The following FAM131B variants were observed in gnomAD, a reference collection of about 807,000 sequenced individuals.
The protein encoded by FAM131B is family with sequence similarity 131 member B, also known as protein FAM131B.
Under a neutral mutation model 42.0 loss-of-function variants are expected in FAM131B, and 19 were observed. The observed-to-expected ratio is 0.45, with a 90% CI of 0.32 to 0.66. FAM131B has a LOEUF of 0.66. FAM131B is among the 30% of genes least tolerant of loss of function. FAM131B has a pLI of 0.05. For missense variants in FAM131B, 370 were observed against 468.4 expected, an observed-to-expected ratio of 0.79 and a Z score of 1.94; for synonymous variants, 183 against 177.6, an observed-to-expected ratio of 1.03 and a Z score of -0.24.
At position 143,359,856 on chromosome 7, in the gene FAM131B, C is replaced by T. The variant is rs188003538; in HGVS notation, c.139-89G>A. On this transcript the variant is annotated intron_variant, in intron 2 of 6. Coordinates refer to ENST00000443739, the MANE Select transcript of FAM131B (RefSeq NM_001031690.3). This position sits in a 1 kb window ranked among gnomAD's most constrained non-coding sequence, Gnocchi z 5.4. The stretch of plus-strand genomic sequence containing the variant: ...TTCCTCAGAGGGCCTTCCAGGAGTG[C>T]GGGATGTGGGGAGGGCTTTCCTGAG... 175 of 1,313,108 alleles carry T rather than the reference C, an allele frequency of 1.3e-4. 1 individual carries two copies. The Middle Eastern group carries it at 2.5e-3, about 19-fold the overall frequency. 81.3% of individuals were successfully genotyped at this position (1,313,108 alleles called of 1,614,324 possible). A position where few individuals can be genotyped will look rare whatever the true frequency, so the allele number is the denominator to read the frequency against.
chr7:143,356,515 G>C lies in FAM131B; in HGVS notation c.*35C>G, dbSNP rs1803659689. The C allele has an allele frequency of 6.6e-7, 1 of 1,508,324 alleles. No homozygotes were observed. The highest frequency in any genetic ancestry group is 1.4e-5 in the African/African-American group (1 of 72,848). The allele number at this position is 1,508,324 out of a possible 1,614,324, so 93.4% of individuals were successfully genotyped here. On this transcript the variant is annotated 3_prime_UTR_variant, in exon 7 of 7. Transcript: ENST00000443739. The surrounding 1 kb of genome is among the most constrained non-coding windows in gnomAD (Gnocchi z 4.4). ...GTATGGGTCACAGCCATGGCCCTCA[G>C]GTGGGAGTGGAAGGCAGGGCATTGG...
At position 143,356,790 on chromosome 7, in the gene FAM131B, C is replaced by G. The variant is rs372597823; in HGVS notation, c.843G>C (p.Leu281=). The G allele has an allele frequency of 3.1e-6, 5 of 1,614,136 alleles. No individual in the cohort carries two copies. The highest frequency in any genetic ancestry group is 4.2e-6 in the Non-Finnish European group (5 of 1,180,028). The change falls in exon 7 of 7, where the codon CTG becomes CTC. Residue 281 remains leucine, a synonymous_variant. Transcript: ENST00000443739. The surrounding 1 kb of genome is among the most constrained non-coding windows in gnomAD (Gnocchi z 4.4). ...GYSALEPPPL[L]GGDTDWAPGV... is the part of the protein sequence containing the mutation. ...CCGGAGCCCAGTCAGTGTCTCCCCC[C>G]AGCAAAGGTGGAGGCTCCAGAGCAG...
At chr7:143,361,893 C>T (rs1462997726) in intron 1 of FAM131B, 2 of 242,170 alleles carry the variant, frequency 8.3e-6, no homozygotes, top group African/African-American at 2.3e-5. Context: ...CCCCTCCCAG[C>T]GCCTCGAAGC....
At position 143,359,665 on chromosome 7, in the gene FAM131B, G is replaced by T. The variant is rs534565853; in HGVS notation, c.174+67C>A. 4.9e-6 allele frequency: 7 copies of T among 1,428,152 alleles called. No individual in the cohort carries two copies. In the African/African-American group the frequency reaches 7.1e-5, roughly 14 times the overall value. The allele number at this position is 1,428,152 out of a possible 1,614,324, so 88.5% of individuals were successfully genotyped here. Reference sequence around the variant, plus strand: ...CAGGGAATACCGTGCTGGTTGGAAGGTGCAAGGGAGAAGATGAGGAGGAGG... The same window carrying T: ...CAGGGAATACCGTGCTGGTTGGAAGTTGCAAGGGAGAAGATGAGGAGGAGG... On this transcript the variant is annotated intron_variant, in intron 3 of 6. Transcript: ENST00000443739. The surrounding 1 kb of genome is among the most constrained non-coding windows in gnomAD (Gnocchi z 5.4).
At chr7:143,381,886 C>A in the FAM131B span, 1 of 1,115,166 alleles carries the variant, frequency 9.0e-7, no homozygotes. Context: ...GGGGGCTGGG[C>A]GCAGCCACCC....
rs2116487446 is a variant in FAM131B at position 143,362,516 on chromosome 7, A to AG, written c.28+59dup. 1.6e-6 allele frequency: 1 copy of AG among 630,206 alleles called. No homozygotes were observed. Among genetic ancestry groups the AG allele is most frequent in the East Asian group, 4.9e-5 (1 of 20,578 alleles). 39.0% of individuals were successfully genotyped at this position (630,206 alleles called of 1,614,324 possible). A position where few individuals can be genotyped will look rare whatever the true frequency, so the allele number is the denominator to read the frequency against. ...GGAGGCGCGAGGAGAGGGATGGGGG[A>AG]GGGGGTCGGAGGGCGGCCCGGGGGG... On this transcript the variant is annotated intron_variant, in intron 1 of 6. Transcript: ENST00000443739. This position sits in a 1 kb window ranked among gnomAD's most constrained non-coding sequence, Gnocchi z 7.7.
chr7:143,362,481 C>A lies in FAM131B; in HGVS notation c.28+95G>T, dbSNP rs1321153103. 4.7e-6 allele frequency: 2 copies of A among 428,456 alleles called. No individual in the cohort carries two copies. Among genetic ancestry groups the A allele is most frequent in the African/African-American group, 2.1e-5 (1 of 46,806 alleles). The allele number at this position is 428,456 out of a possible 1,614,324, so 26.5% of individuals were successfully genotyped here. On this transcript the variant is annotated intron_variant, in intron 1 of 6. Coordinates refer to ENST00000443739, the MANE Select transcript of FAM131B (RefSeq NM_001031690.3). The surrounding 1 kb of genome is among the most constrained non-coding windows in gnomAD (Gnocchi z 7.7). ...CTAGCAGGGCAAGGCGGGTGCGGAG[C>A]GGGGCGCCCGGAGGCGCGAGGAGAG...
chr7:143,359,869 G>C lies in FAM131B; in HGVS notation c.139-102C>G. 8.3e-7 allele frequency: 1 copy of C among 1,201,466 alleles called. No homozygotes were observed. Among genetic ancestry groups the C allele is most frequent in the Non-Finnish European group, 1.2e-6 (1 of 831,428 alleles). The allele number at this position is 1,201,466 out of a possible 1,614,324, so 74.4% of individuals were successfully genotyped here. A position where few individuals can be genotyped will look rare whatever the true frequency, so the allele number is the denominator to read the frequency against. On this transcript the variant is annotated intron_variant, in intron 2 of 6. Coordinates refer to ENST00000443739, the MANE Select transcript of FAM131B (RefSeq NM_001031690.3). The surrounding 1 kb of genome is among the most constrained non-coding windows in gnomAD (Gnocchi z 5.4). Reference sequence around the variant, plus strand: ...CTTCCAGGAGTGCGGGATGTGGGGAGGGCTTTCCTGAGGTTGATGCCGCTA... The same window carrying C: ...CTTCCAGGAGTGCGGGATGTGGGGACGGCTTTCCTGAGGTTGATGCCGCTA...
chr7:143,369,440 C>T, the FAM131B span, among the ~76,000 whole-genome samples: 1 of 152,024 alleles, frequency 6.6e-6, no homozygotes, highest in Non-Finnish European at 1.5e-5. Context: ...TTTGGGAGGC[C>T]GAGGAGGGTG....
chr7:143,362,429 C>A lies in FAM131B; in HGVS notation c.28+147G>T, dbSNP rs1037214353. On this transcript the variant is annotated intron_variant, in intron 1 of 6. Coordinates refer to ENST00000443739, the MANE Select transcript of FAM131B (RefSeq NM_001031690.3). The surrounding 1 kb of genome is among the most constrained non-coding windows in gnomAD (Gnocchi z 7.7). Reference sequence around the variant, plus strand: ...GCAGGAAGGAGGGACAGAGGGACCGCGGGCGGACGGAAGGAAAGTGAAGGA... The same window carrying A: ...GCAGGAAGGAGGGACAGAGGGACCGAGGGCGGACGGAAGGAAAGTGAAGGA... 6.3e-5 allele frequency: 22 copies of A among 348,204 alleles called. No individual in the cohort carries two copies. Among genetic ancestry groups the A allele is most frequent in the African/African-American group, 3.0e-4 (14 of 46,326 alleles). The allele number at this position is 348,204 out of a possible 1,614,324, so 21.6% of individuals were successfully genotyped here. A position where few individuals can be genotyped will look rare whatever the true frequency, so the allele number is the denominator to read the frequency against.
chr7:143,363,448 T>A (rs1356548245), upstream of FAM131B, among the ~76,000 whole-genome samples: 1 of 152,120 alleles, frequency 6.6e-6, no homozygotes. Context: ...GACATCGTCT[T>A]GAATCCAGTT....
At chr7:143,380,841 G>T in the FAM131B span, 2 of 944,434 alleles carry the variant, frequency 2.1e-6, no homozygotes, top group Non-Finnish European at 2.5e-6. The surrounding 1 kb of genome is among the most constrained non-coding windows in gnomAD (Gnocchi z 5.0). Context: ...GACTCGGGGT[G>T]GCCGGGTAGC....
rs757750227 is a variant in FAM131B at position 143,359,388 on chromosome 7, G to A, written c.206C>T (p.Pro69Leu). ...GGCGTTAGAGTTTCGCTTAAGCTTC[G>A]GAAGAATGGAAGTGGTGTCCTCCAT... Reference protein sequence around the residue: ...LSMEDTTSILPKLKRNSNAYG... With the variant: ...LSMEDTTSILLKLKRNSNAYG... Residue 69 changes from proline (P) to leucine (L), a missense_variant, in exon 4 of 7, where the codon CCG becomes CTG. Transcript: ENST00000443739. The surrounding 1 kb of genome is among the most constrained non-coding windows in gnomAD (Gnocchi z 5.4). 17 of 1,613,586 alleles carry A rather than the reference G, an allele frequency of 1.1e-5. No homozygotes were observed. Among genetic ancestry groups the A allele is most frequent in the Admixed American group, 1.7e-5 (1 of 59,984 alleles).
At chr7:143,368,804 T>G in the FAM131B span, among the ~76,000 whole-genome samples, 1 of 152,266 alleles carries the variant, frequency 6.6e-6, no homozygotes, top group Admixed American at 6.5e-5. Context: ...AACTTCAGCT[T>G]GGATTCCTCT....
chr7:143,360,486 TTACAAGTC>T, intron 1 of FAM131B: 1 of 994,688 alleles, frequency 1.0e-6, no homozygotes, highest in Non-Finnish European at 1.3e-6. Context: ...TTTTTCTCTA[TTACAAGTC>T]TACAGATAAG....
rs185467143 is a variant in FAM131B, at chr7:143,359,650, C to T, written c.174+82G>A. 8.6e-4 allele frequency: 1,156 copies of T among 1,339,174 alleles called. 2 individuals are homozygous for T. Among genetic ancestry groups the T allele is most frequent in the South Asian group, 2.2e-3 (178 of 79,740 alleles). The allele number at this position is 1,339,174 out of a possible 1,614,324, so 83.0% of individuals were successfully genotyped here. ...AGTGCCTATTGGAGCCAGGGAATACCGTGCTGGTTGGAAGGTGCAAGGGAG... is the reference window on the plus strand; with the variant it reads ...AGTGCCTATTGGAGCCAGGGAATACTGTGCTGGTTGGAAGGTGCAAGGGAG... On this transcript the variant is annotated intron_variant, in intron 3 of 6. Coordinates refer to ENST00000443739, the MANE Select transcript of FAM131B (RefSeq NM_001031690.3). The surrounding 1 kb of genome is among the most constrained non-coding windows in gnomAD (Gnocchi z 5.4).
chr7:143,381,243 G>C, the FAM131B span: 14 of 1,023,394 alleles, frequency 1.4e-5, no homozygotes, highest in South Asian at 6.0e-4. Flanking sequence ...GCCGCTCCTT[G>C]TATGGTCTGG....
the FAM131B span, among the ~76,000 whole-genome samples, chr7:143,371,747 C>A: frequency 6.6e-6 from 1 of 151,878 alleles, no homozygotes; most frequent in Non-Finnish European, 1.5e-5. Context: ...GTGAGGAAGG[C>A]TATGATGGAG....
In FAM131B at chr7:143,355,277, T is replaced by G. The variant is rs1044793716; in HGVS notation, c.*1273A>C. The G allele has an allele frequency of 6.6e-6, 1 of 152,278 alleles. No homozygotes were observed. The highest frequency in any genetic ancestry group is 2.4e-5 in the African/African-American group (1 of 41,442). 9.4% of individuals were successfully genotyped at this position (152,278 alleles called of 1,614,324 possible). ...GCTGCTCAGTCCCCACCAGCATGGA[T>G]GCCAAGTGTGGGAGGGCAAGCTTGT... On this transcript the variant is annotated 3_prime_UTR_variant, in exon 7 of 7. Transcript: ENST00000443739. This position sits in a 1 kb window ranked among gnomAD's most constrained non-coding sequence, Gnocchi z 4.1.
Sources: gnomAD v4.1 joint callset for allele counts (sites outside exome capture counted in the v4.1 genomes callset) on GRCh38, gnomAD v4.1.1 for gene constraint, Gnocchi (gnomAD v3.1) non-coding constraint, MANE v1.5 for transcripts, NCBI Gene and HGNC (gene_info 2026-07-23, HGNC 2026-07-21) for gene names.